Variants in EED observed in about 807,000 individuals in gnomAD.
EED encodes the protein embryonic ectoderm development.
EED carries 9 observed loss-of-function variants against 61.0 expected under a neutral mutation model. The ratio of observed to expected loss-of-function variants is 0.15; its 90% confidence interval spans 0.09 to 0.26. The LOEUF (loss-of-function observed/expected upper bound fraction) is 0.26, where lower values mean the gene tolerates loss of function less well. EED is among the 10% of genes least tolerant of loss of function. The probability of loss-of-function intolerance (pLI) is 1.00; values close to 1 mark genes in which losing one functional copy is unlikely to be tolerated. For missense variants in EED, 315 were observed against 542.3 expected (o/e 0.58, Z 4.16); for synonymous variants, 187 against 174.4 (o/e 1.07, Z -0.57).
chr11:86,284,802 A>C, the EED span: 1 of 152,294 alleles, frequency 6.6e-6, no homozygotes, highest in South Asian at 2.1e-4. Flanking sequence ...TCCAGGGCCC[A>C]GTGCAAAATG....
At chr11:86,250,917 A>T (rs1945515785) in intron 2 of EED, among the ~76,000 whole-genome samples, 2 of 152,068 alleles carry the variant, frequency 1.3e-5, no homozygotes. Flanking sequence ...GGTGTAAAAA[A>T]TTTTTAAACT....
chr11:86,282,241 G>C (rs1400613283), downstream of EED, among the ~76,000 whole-genome samples: 1 of 152,102 alleles, frequency 6.6e-6, no homozygotes, highest in Non-Finnish European at 1.5e-5. Context: ...TTATTTAGAA[G>C]TATAAAGAAA....
chr11:86,276,338 C>G (rs998986950), intron 9 of EED: 1 of 152,140 alleles, frequency 6.6e-6, no homozygotes, highest in African/African-American at 2.4e-5. Context: ...TATTTCAATC[C>G]TATCCCCATA....
the EED span, chr11:86,283,871 AAT>A: frequency 4.0e-5 from 6 of 150,692 alleles, no homozygotes; most frequent in Admixed American, 1.3e-4. Flanking sequence ...AAAAAAAGAG[AAT>A]GAAGTGAAGG....
chr11:86,280,984 G>A (rs1243106227), downstream of EED, among the ~76,000 whole-genome samples: 1 of 152,204 alleles, frequency 6.6e-6, no homozygotes, highest in African/African-American at 2.4e-5. Flanking sequence ...ATGTGCATAT[G>A]TTCAAACATC....
chr11:86,281,643 T>C (rs1275064153), downstream of EED, among the ~76,000 whole-genome samples: 1 of 152,186 alleles, frequency 6.6e-6, no homozygotes, highest in Non-Finnish European at 1.5e-5. Flanking sequence ...TCAAGGTATC[T>C]TTATATATGT....
intron 3 of EED, among the ~76,000 whole-genome samples, chr11:86,254,047 T>C: frequency 7.7e-5 from 1 of 12,904 alleles, no homozygotes; most frequent in Non-Finnish European, 1.6e-4. Flanking sequence ...AAACTCTGTC[T>C]CAAAAAAAAA....
In EED at chr11:86,254,105, G is replaced by A. The variant is rs200861265; in HGVS notation, c.361-1117G>A. On this transcript the variant is annotated intron_variant, in intron 3 of 11. Coordinates refer to ENST00000263360, the MANE Select transcript of EED (RefSeq NM_003797.5). ...ATGGAAAGAAATTTATAAAAGTTTA[G>A]TATTACAAAATTGTGTATGGTGTAT... Among the ~76,000 whole-genome samples the A allele has an allele frequency of 5.0e-5, 7 of 139,340 alleles. No individual in the cohort carries two copies. In the East Asian group the frequency reaches 1.1e-3, roughly 21 times the overall value. 91.4% of individuals were successfully genotyped at this position (139,340 alleles called of 152,430 possible). A position where few individuals can be genotyped will look rare whatever the true frequency, so the allele number is the denominator to read the frequency against.
At chr11:86,254,033 AGTGAAACT>A (rs1945601133) in intron 3 of EED, among the ~76,000 whole-genome samples, 1 of 131,576 alleles carries the variant, frequency 7.6e-6, no homozygotes, top group East Asian at 2.4e-4. Flanking sequence ...GGACGACAAG[AGTGAAACT>A]CTGTCTCAAA....
intron 6 of EED, among the ~76,000 whole-genome samples, chr11:86,263,081 C>T (rs1053932872): frequency 6.6e-6 from 1 of 152,174 alleles, no homozygotes; most frequent in Non-Finnish European, 1.5e-5. Context: ...GCTGGGATTA[C>T]AGGCATGAAC....
intron 8 of EED, among the ~76,000 whole-genome samples, chr11:86,267,634 CTT>C (rs1946013270): frequency 2.0e-5 from 3 of 152,030 alleles, no homozygotes; most frequent in Admixed American, 6.6e-5. Context: ...GAGTTTTGCT[CTT>C]GTTTCCCAGG....
At position 86,256,632 on chromosome 11, in the gene EED, T is replaced by A. The variant is rs1285576378; in HGVS notation, c.552+120T>A. Reference sequence around the variant, plus strand: ...AACATTTCTCATTTGATTTGTACTTTTCTTACTGCTCTCTTTGGATGAGTC... The same window carrying A: ...AACATTTCTCATTTGATTTGTACTTATCTTACTGCTCTCTTTGGATGAGTC... On this transcript the variant is annotated intron_variant, in intron 5 of 11. Coordinates refer to ENST00000263360, the MANE Select transcript of EED (RefSeq NM_003797.5). 4 of 1,027,416 alleles carry A rather than the reference T, an allele frequency of 3.9e-6. No individual in the cohort carries two copies. In the African/African-American group the frequency reaches 6.5e-5, roughly 17 times the overall value. 63.6% of individuals were successfully genotyped at this position (1,027,416 alleles called of 1,614,324 possible).
chr11:86,255,060 T>G (rs1945635519), intron 3 of EED, among the ~76,000 whole-genome samples, 162 bp from the exon 4 acceptor site: 1 of 152,268 alleles, frequency 6.6e-6, no homozygotes. Flanking sequence ...ATGTAAAACA[T>G]TCAGCTTTAT....
intron 9 of EED, 64 bp downstream of exon 9, chr11:86,268,625 G>A (rs1411129281): frequency 1.5e-5 from 14 of 948,276 alleles, no homozygotes; most frequent in Middle Eastern, 2.4e-4. Context: ...GTGTGTGTGT[G>A]TATGTGTGTG....
At position 86,245,107 on chromosome 11, in the gene EED, G is replaced by T. The variant is rs894706902; in HGVS notation, c.-123G>T. On this transcript the variant is annotated 5_prime_UTR_variant, in exon 1 of 12. Transcript: ENST00000263360. ...GCTGGGCGCGATTTGCGACAGTGGG[G>T]GGGGCGGTGGAGGTGGCGGCGGCAG... 1.0e-5 allele frequency: 7 copies of T among 682,946 alleles called. No homozygotes were observed. The highest frequency in any genetic ancestry group is 3.2e-5 in the East Asian group (1 of 31,366). 42.3% of individuals were successfully genotyped at this position (682,946 alleles called of 1,614,324 possible).
rs71040223 is a variant in EED, at chr11:86,257,185, T to TTGTGTGTGTGTG, written c.553-308_553-297dup. On this transcript the variant is annotated intron_variant, in intron 5 of 11. Coordinates refer to ENST00000263360, the MANE Select transcript of EED (RefSeq NM_003797.5). ...CAAGTAGCTGGGGCCAATTTTTAAT[T>TTGTGTGTGTGTG]TGTGTGTGTGTGTGTGTGTGTGTGT... Among the ~76,000 whole-genome samples the TTGTGTGTGTGTG allele has an allele frequency of 1.0e-3, 146 of 143,472 alleles. 1 individual carries two copies. The highest frequency in any genetic ancestry group is 3.1e-3 in the African/African-American group (121 of 38,522). 94.1% of individuals were successfully genotyped at this position (143,472 alleles called of 152,430 possible). A position where few individuals can be genotyped will look rare whatever the true frequency, so the allele number is the denominator to read the frequency against.
intron 3 of EED, among the ~76,000 whole-genome samples, chr11:86,252,545 T>G (rs1945560851): frequency 6.6e-6 from 1 of 152,020 alleles, no homozygotes. Flanking sequence ...GCGTTCTTTT[T>G]AAAGTGATTT....
intron 10 of EED, chr11:86,277,391 T>C: frequency 3.3e-6 from 1 of 304,032 alleles, no homozygotes; most frequent in Non-Finnish European, 6.1e-6. Context: ...GGAAATTAGG[T>C]GTTTATGTTC....
the EED span, among the ~76,000 whole-genome samples, chr11:86,286,864 C>T: frequency 1.2e-4 from 17 of 145,916 alleles, no homozygotes; most frequent in Middle Eastern, 3.7e-3. Context: ...CCCAGCTACT[C>T]GGGAGGCTGA....
Sources: gnomAD v4.1 joint callset for allele counts (sites outside exome capture counted in the v4.1 genomes callset) on GRCh38, gnomAD v4.1.1 for gene constraint, MANE v1.5 for transcripts, NCBI Gene and HGNC (gene_info 2026-07-23, HGNC 2026-07-21) for gene names.